The following ZNF516 variants were observed in gnomAD, a reference collection of about 807,000 sequenced individuals.
ZNF516 encodes zinc finger protein 516.
A neutral mutation model predicts 79.7 loss-of-function variants in ZNF516; 19 were observed. The ratio of observed to expected loss-of-function variants is 0.24; its 90% CI spans 0.17 to 0.35. The LOEUF is 0.35. Among genes scored for constraint, ZNF516 ranks in the 10% least tolerant of loss-of-function variants. The pLI, the probability that ZNF516 is intolerant of heterozygous loss-of-function variation, is 1.00. For synonymous variants in ZNF516, 877 were observed against 739.5 expected (o/e 1.19, Z -3.02); for missense variants, 1,678 against 1,679.5 (o/e 1.00, Z 0.02).
chr18:76,491,056 G>C (rs1326503634), intron 1 of ZNF516: 10 of 985,232 alleles, frequency 1.0e-5, no homozygotes, highest in African/African-American at 5.2e-5. Context: ...GCGCAGGACC[G>C]GTTCAGGTGT....
chr18:76,487,851 C>A (rs112809253), intron 1 of ZNF516: 31 of 821,526 alleles, frequency 3.8e-5, no homozygotes, highest in Non-Finnish European at 4.3e-5. Context: ...AGATACATTC[C>A]CGTAATAGGC....
chr18:76,491,631 G>A (rs1745385001), intron 1 of ZNF516: 4 of 487,968 alleles, frequency 8.2e-6, no homozygotes, highest in Non-Finnish European at 1.0e-5. Flanking sequence ...CCCCGCCCAC[G>A]GCCCTCCTCC....
chr18:76,420,338 T>C (rs2075490452), intron 3 of ZNF516, among the ~76,000 whole-genome samples: 1 of 152,186 alleles, frequency 6.6e-6, no homozygotes, highest in African/African-American at 2.4e-5. Flanking sequence ...TGGCCCAAAA[T>C]CTGCTCTCTA....
At chr18:76,435,532 A>G (rs1196012825) in intron 3 of ZNF516, among the ~76,000 whole-genome samples, 1 of 152,234 alleles carries the variant, frequency 6.6e-6, no homozygotes, top group African/African-American at 2.4e-5. Context: ...GCGCGGATTA[A>G]GAGTGGGCTC....
intron 2 of ZNF516, among the ~76,000 whole-genome samples, chr18:76,449,304 C>G (rs978210644): frequency 6.6e-6 from 1 of 152,224 alleles, no homozygotes; most frequent in Admixed American, 6.5e-5. Flanking sequence ...AGCCCTGAGC[C>G]CTACTCCGGC....
chr18:76,463,554 G>C (rs1211835482), intron 1 of ZNF516, among the ~76,000 whole-genome samples: 1 of 152,238 alleles, frequency 6.6e-6, no homozygotes, highest in African/African-American at 2.4e-5. Context: ...TCACACTGCC[G>C]ACCGCCAGAA....
intron 1 of ZNF516, among the ~76,000 whole-genome samples, chr18:76,479,879 ATTAAAAAAGAGCCCTTTCCCC>A (rs772299024): frequency 6.6e-6 from 1 of 152,222 alleles, no homozygotes; most frequent in Non-Finnish European, 1.5e-5. Flanking sequence ...GCCTGAGGTT[ATTAAAAAAGAGCCCTTTCCCC>A]TTAAACTGCT....
chr18:76,437,310 GT>G (rs946180962), intron 3 of ZNF516, among the ~76,000 whole-genome samples: 6 of 152,174 alleles, frequency 3.9e-5, no homozygotes, highest in African/African-American at 7.2e-5. Context: ...CCTGGTGACA[GT>G]GGAAAGAAGA....
intron 6 of ZNF516, among the ~76,000 whole-genome samples, chr18:76,365,649 G>A (rs1004188216): frequency 1.3e-5 from 2 of 152,196 alleles, no homozygotes; most frequent in African/African-American, 4.8e-5. Flanking sequence ...AATTTGATTT[G>A]GAGGATCAGC....
At chr18:76,431,330 G>A (rs1053865602) in intron 3 of ZNF516, among the ~76,000 whole-genome samples, 2 of 152,196 alleles carry the variant, frequency 1.3e-5, no homozygotes, top group African/African-American at 2.4e-5. Context: ...CTAAACTTAT[G>A]AAATAATTCA....
intron 3 of ZNF516, among the ~76,000 whole-genome samples, chr18:76,404,318 G>A (rs924493096): frequency 6.7e-6 from 1 of 148,430 alleles, no homozygotes; most frequent in Non-Finnish European, 1.5e-5. Flanking sequence ...CCAGCACTTC[G>A]TGCATGTGGA....
At chr18:76,366,928 G>C (rs1036990009) in intron 6 of ZNF516, among the ~76,000 whole-genome samples, 3 of 152,172 alleles carry the variant, frequency 2.0e-5, no homozygotes, top group African/African-American at 7.2e-5. Context: ...TATTATCTGG[G>C]TCTCTCAGAG....
In ZNF516 at chr18:76,378,960, C is replaced by T. The variant is rs772362870; in HGVS notation, c.3154G>A (p.Glu1052Lys). The change falls in exon 4 of 7, where the codon GAG becomes AAG. Residue 1052 changes from glutamate to lysine, a missense_variant. Glu to Lys is a moderately conservative substitution (Grantham distance 56, BLOSUM62 1). This residue lies in a region of ZNF516 where 1,294 missense variants were observed against 1,248.3 expected (regional missense o/e 1.04). Coordinates refer to ENST00000443185, the MANE Select transcript of ZNF516 (RefSeq NM_014643.4). ...ATGTTGAGGATGTCCAGGCGCTTCT[C>T]ATGCCCCTCGGCCACCGGCTCCTGT... is the stretch of plus-strand genomic sequence containing the variant. Reference protein sequence around the residue: ...IKQEPVAEGHEKRLDILNIFK... With the variant: ...IKQEPVAEGHKKRLDILNIFK... 1 of 1,613,766 alleles carries T rather than the reference C, an allele frequency of 6.2e-7. No individual in the cohort carries two copies. The highest frequency in any genetic ancestry group is 1.1e-5 in the South Asian group (1 of 91,086).
At chr18:76,466,052 C>T (rs1483612567) in intron 1 of ZNF516, among the ~76,000 whole-genome samples, 1 of 152,176 alleles carries the variant, frequency 6.6e-6, no homozygotes, top group Non-Finnish European at 1.5e-5. Flanking sequence ...CCAAGCAGTC[C>T]TCTCGATGCA....
At chr18:76,422,491 A>G (rs1473224776) in intron 3 of ZNF516, among the ~76,000 whole-genome samples, 2 of 152,186 alleles carry the variant, frequency 1.3e-5, no homozygotes, top group African/African-American at 4.8e-5. Context: ...AACAAGCACA[A>G]CCTCAGAATT....
chr18:76,437,103 C>CA (rs1568289786), intron 3 of ZNF516, among the ~76,000 whole-genome samples: 4 of 151,774 alleles, frequency 2.6e-5, no homozygotes, highest in East Asian at 1.9e-4. Flanking sequence ...CACACACATA[C>CA]CGTCTCTCAC....
chr18:76,425,752 A>C (rs1437339799), intron 3 of ZNF516, among the ~76,000 whole-genome samples: 1 of 152,184 alleles, frequency 6.6e-6, no homozygotes, highest in East Asian at 1.9e-4. Context: ...AGGGTCCCAC[A>C]AAGCAAATGA....
Position 76,415,158 on chromosome 18 carries a change from A to G in ZNF516, c.1810+26087T>C, listed in dbSNP as rs192402957. Among the ~76,000 whole-genome samples the G allele has an allele frequency of 1.5e-3, 222 of 152,290 alleles. 1 individual carries two copies. The highest frequency in any genetic ancestry group is 4.4e-3 in the South Asian group (21 of 4,826). ...GGTTGCAGTGAGCCAGGATCGCCCCATTGCACTCCAGCAGCGTGGGCAACA... is the reference window on the plus strand; with the variant it reads ...GGTTGCAGTGAGCCAGGATCGCCCCGTTGCACTCCAGCAGCGTGGGCAACA... On this transcript the variant is annotated intron_variant, in intron 3 of 6. Coordinates refer to ENST00000443185, the MANE Select transcript of ZNF516 (RefSeq NM_014643.4).
chr18:76,423,125 C>A (rs1424873288), intron 3 of ZNF516, among the ~76,000 whole-genome samples: 1 of 152,150 alleles, frequency 6.6e-6, no homozygotes, highest in Non-Finnish European at 1.5e-5. Flanking sequence ...AACAGAGACC[C>A]ATTAAAACGG....
Sources: allele counts gnomAD v4.1 joint callset (sites outside exome capture counted in the v4.1 genomes callset), GRCh38; gene constraint gnomAD v4.1.1; regional missense constraint gnomAD v4.1.1; transcripts MANE v1.5; gene names NCBI Gene and HGNC (gene_info 2026-07-23, HGNC 2026-07-21).